Variants in ADAMTS18 observed in about 807,000 individuals in gnomAD.
ADAMTS18 encodes the protein A disintegrin and metalloproteinase with thrombospondin motifs 18.
Under a neutral mutation model 165.9 loss-of-function variants are expected in ADAMTS18, and 157 were observed. The ratio of observed to expected loss-of-function variants is 0.95; its 90% CI spans 0.83 to 1.08. The LOEUF is 1.08. ADAMTS18 is among the 50% of genes least tolerant of loss of function. ADAMTS18 has a pLI of 0.00. For missense variants in ADAMTS18, 2,040 were observed against 1,534.0 expected (o/e 1.33, Z -5.51); for synonymous variants, 782 against 578.2 (o/e 1.35, Z -5.06).
intron 13 of ADAMTS18, among the ~76,000 whole-genome samples, chr16:77,324,095 A>G (rs1279634883): frequency 1.3e-5 from 2 of 152,254 alleles, no homozygotes; most frequent in Admixed American, 6.5e-5. Context: ...CATAAACACT[A>G]TGTTTGAATG....
At chr16:77,334,483 T>C (rs1239468986) in intron 12 of ADAMTS18, among the ~76,000 whole-genome samples, 1 of 112,270 alleles carries the variant, frequency 8.9e-6, no homozygotes, top group Non-Finnish European at 1.6e-5. Context: ...TTATAGTATA[T>C]ATTATATAGT....
intron 4 of ADAMTS18, among the ~76,000 whole-genome samples, chr16:77,364,965 G>A (rs1040262795): frequency 1.3e-5 from 2 of 152,074 alleles, no homozygotes; most frequent in African/African-American, 4.8e-5. Context: ...AATTAGTCAT[G>A]CATGGTGGTG....
At chr16:77,359,081 G>A (rs1032213310) in intron 8 of ADAMTS18, among the ~76,000 whole-genome samples, 2 of 152,166 alleles carry the variant, frequency 1.3e-5, no homozygotes, top group African/African-American at 4.8e-5. Context: ...GCAGCCCAGA[G>A]ACCCCATCTG....
At chr16:77,329,714 T>C (rs1279910194) in intron 12 of ADAMTS18, among the ~76,000 whole-genome samples, 1 of 152,186 alleles carries the variant, frequency 6.6e-6, no homozygotes, top group East Asian at 1.9e-4. Flanking sequence ...CTAGCAAGCA[T>C]TTGGCCATTT....
chr16:77,423,840 C>G (rs2057635911), intron 3 of ADAMTS18, among the ~76,000 whole-genome samples: 1 of 152,124 alleles, frequency 6.6e-6, no homozygotes. Flanking sequence ...GTGTTCATTT[C>G]CTGTTCTGAC....
At chr16:77,375,189 T>C (rs2173750) in intron 3 of ADAMTS18, among the ~76,000 whole-genome samples, 55,158 of 151,878 alleles carry the variant, frequency 0.36, 10,756 homozygotes, top group Non-Finnish European at 0.44. Context: ...TATTCCTCTG[T>C]ATAAAGTGTA....
At chr16:77,305,111 A>G (rs1406480774) in intron 16 of ADAMTS18, among the ~76,000 whole-genome samples, 2 of 37,354 alleles carry the variant, frequency 5.4e-5, no homozygotes, top group African/African-American at 2.6e-4. Context: ...ACTTAAACAA[A>G]TAAGTACCAA....
chr16:77,311,803 C>T (rs2055786361), intron 16 of ADAMTS18, among the ~76,000 whole-genome samples: 1 of 151,484 alleles, frequency 6.6e-6, no homozygotes. Flanking sequence ...TACAAGTTTC[C>T]ATTTAGATTG....
chr16:77,315,346 C>T (rs901790311), intron 16 of ADAMTS18, among the ~76,000 whole-genome samples: 13 of 152,156 alleles, frequency 8.5e-5, no homozygotes, highest in Non-Finnish European at 1.5e-5. Context: ...CTATTGTAAA[C>T]TGAATTTGCA....
chr16:77,331,732 T>C (rs976073336), intron 12 of ADAMTS18, among the ~76,000 whole-genome samples: 3 of 152,116 alleles, frequency 2.0e-5, no homozygotes, highest in African/African-American at 7.2e-5. Context: ...CTGCTAGACA[T>C]CTTACCATGT....
Position 77,311,520 on chromosome 16 carries a change from AATTTT to A in ADAMTS18, c.2532+8324_2532+8328del, listed in dbSNP as rs1213117155. Reference sequence around the variant, plus strand: ...GAAAATATAATTTATTGCTTATTATAATTTTATGTTTTTAGAATATCTGTGTTCCA... The same window carrying A: ...GAAAATATAATTTATTGCTTATTATAATGTTTTTAGAATATCTGTGTTCCA... On this transcript the variant is annotated intron_variant, in intron 16 of 22. Transcript: ENST00000282849. Among the ~76,000 whole-genome samples the A allele has an allele frequency of 4.6e-5, 7 of 152,258 alleles. No homozygotes were observed. The East Asian group carries it at 1.4e-3, about 29-fold the overall frequency.
chr16:77,369,272 C>T (rs965356464), intron 3 of ADAMTS18, among the ~76,000 whole-genome samples: 4 of 152,000 alleles, frequency 2.6e-5, no homozygotes, highest in Non-Finnish European at 5.9e-5. Context: ...TCAATTTTAT[C>T]TTTTTAAAAA....
At position 77,319,977 on chromosome 16, in the gene ADAMTS18, CG is replaced by C; in HGVS notation, c.2403del (p.Gly803AlafsTer44). On this transcript the variant is annotated frameshift_variant, in exon 16 of 23. Coordinates refer to ENST00000282849, the MANE Select transcript of ADAMTS18 (RefSeq NM_199355.4). LOFTEE classifies it high-confidence loss of function. The part of the protein sequence containing the change: ...VRSLSQKYYL[T>X]GGWSIDWPGE... ...CCAGGCCAGTCGATGCTCCAGCCCC[CG>C]GTGAGGTAATACTTTTGACTGAGGC... 1 of 1,614,116 alleles carries C rather than the reference CG, an allele frequency of 6.2e-7. No homozygotes were observed. Among genetic ancestry groups the C allele is most frequent in the Non-Finnish European group, 8.5e-7 (1 of 1,180,024 alleles).
At chr16:77,403,095 T>A (rs1422263552) in intron 3 of ADAMTS18, among the ~76,000 whole-genome samples, 1 of 152,232 alleles carries the variant, frequency 6.6e-6, no homozygotes, top group Non-Finnish European at 1.5e-5. Context: ...AATTTCATAC[T>A]CACTATAACG....
chr16:77,398,909 A>T (rs1167712446), intron 3 of ADAMTS18, among the ~76,000 whole-genome samples: 6 of 152,164 alleles, frequency 3.9e-5, no homozygotes, highest in African/African-American at 1.4e-4. Context: ...GGGATGAGAA[A>T]AACCGTCATA....
intron 3 of ADAMTS18, among the ~76,000 whole-genome samples, chr16:77,422,310 G>A (rs895705410): frequency 4.6e-5 from 7 of 151,976 alleles, no homozygotes; most frequent in Non-Finnish European, 1.0e-4. Context: ...AGTTATTGCT[G>A]AATAAGTCAC....
At chr16:77,296,213 C>T (rs1228395127) in intron 18 of ADAMTS18, among the ~76,000 whole-genome samples, 3 of 152,006 alleles carry the variant, frequency 2.0e-5, no homozygotes, top group Admixed American at 6.6e-5. Flanking sequence ...AAAGAGACTC[C>T]CTTTAACTGG....
intron 3 of ADAMTS18, among the ~76,000 whole-genome samples, chr16:77,385,859 T>G (rs2144779962): frequency 6.6e-6 from 1 of 152,226 alleles, no homozygotes; most frequent in Admixed American, 6.5e-5. Flanking sequence ...CCCCCTGCCT[T>G]GAGGTAAAAC....
intron 4 of ADAMTS18, among the ~76,000 whole-genome samples, chr16:77,366,177 G>A (rs1039422596): frequency 1.3e-5 from 2 of 152,000 alleles, no homozygotes; most frequent in African/African-American, 4.8e-5. Context: ...TCTGGCTGTG[G>A]TATCCAACTT....
Sources: gnomAD v4.1 joint callset for allele counts (sites outside exome capture counted in the v4.1 genomes callset) on GRCh38, gnomAD v4.1.1 for gene constraint, MANE v1.5 for transcripts, NCBI Gene and HGNC (gene_info 2026-07-23, HGNC 2026-07-21) for gene names.